KANK2: variants seen among roughly 807,000 people sequenced by gnomAD.
KANK2 encodes KN motif and ankyrin repeat domain-containing protein 2.
KANK2 carries 41 observed loss-of-function variants against 74.6 expected under a neutral mutation model. That is an observed-to-expected ratio of 0.55 (90% CI 0.43 to 0.71). KANK2 has a LOEUF of 0.71. Ranked by LOEUF, KANK2 falls within the 30% of genes least tolerant of loss-of-function variation. The probability of loss-of-function intolerance (pLI) is 0.00; values close to 1 mark genes in which losing one functional copy is unlikely to be tolerated. For missense variants in KANK2, 1,148 were observed against 1,196.4 expected, an observed-to-expected ratio of 0.96 and a Z score of 0.60; for synonymous variants, 537 against 519.0, an observed-to-expected ratio of 1.03 and a Z score of -0.47.
intron 4 of KANK2, among the ~76,000 whole-genome samples, chr19:11,191,354 T>C (rs2078839816): frequency 6.6e-6 from 1 of 152,206 alleles, no homozygotes; most frequent in Admixed American, 6.5e-5. Flanking sequence ...GTCATTATTA[T>C]GAGTCATTTG....
At chr19:11,175,865 G>C (rs189923555) in intron 8 of KANK2, 37 bp downstream of exon 8, 2 of 1,532,644 alleles carry the variant, frequency 1.3e-6, no homozygotes, top group African/African-American at 1.4e-5. Context: ...GTAGGGGTCC[G>C]GGGGGTGGCC....
In KANK2 at chr19:11,193,244, G is replaced by A. The variant is rs776909427; in HGVS notation, c.836C>T (p.Pro279Leu). Residue 279 changes from proline (P) to leucine (L), a missense_variant, in exon 4 of 13, where the codon CCT becomes CTT. Physicochemically the swap from Pro to Leu is moderately conservative, Grantham distance 98 (BLOSUM62 -3). Transcript: ENST00000586659. The surrounding 1 kb of genome is among the most constrained non-coding windows in gnomAD (Gnocchi z 9.6). The part of the protein sequence containing the change: ...TWVRERDLGM[P>L]DGEAALAAKV... ...GGCGGCGAGGGCAGCCTCCCCATCA[G>A]GCATGCCCAAGTCCCGTTCTCGAAC... 3 of 1,610,172 alleles carry A rather than the reference G, an allele frequency of 1.9e-6. No homozygotes were observed. The South Asian group carries it at 3.3e-5, about 18-fold the overall frequency.
intron 4 of KANK2, among the ~76,000 whole-genome samples, chr19:11,190,347 T>TGA (rs2078806088): frequency 6.6e-6 from 1 of 152,028 alleles, no homozygotes; most frequent in Non-Finnish European, 1.5e-5. Context: ...AGGCTGGTCT[T>TGA]GAACCCCTGA....
At chr19:11,194,765 C>T (rs998623570) in intron 2 of KANK2, 175 bp from the exon 3 acceptor site, 2 of 444,226 alleles carry the variant, frequency 4.5e-6, no homozygotes, top group Non-Finnish European at 8.4e-6. Flanking sequence ...CCCTCCCCCC[C>T]GCAGGTCTGG....
chr19:11,172,307 A>C (rs11879991), intron 10 of KANK2, among the ~76,000 whole-genome samples: 6,038 of 152,244 alleles, frequency 0.04, 301 homozygotes, highest in East Asian at 0.15. Context: ...CCACTAAAAA[A>C]ATTTCTTGGA....
intron 4 of KANK2, among the ~76,000 whole-genome samples, chr19:11,180,916 G>A (rs34824923): frequency 0.035 from 5,241 of 151,554 alleles, 130 homozygotes; most frequent in Non-Finnish European, 0.054. Flanking sequence ...GCAAAACCCC[G>A]TCTCTACTAA....
chr19:11,192,902 G>C lies in KANK2; in HGVS notation c.1178C>G (p.Ala393Gly), dbSNP rs149352845. 3.3e-5 allele frequency: 53 copies of C among 1,614,004 alleles called. No individual in the cohort carries two copies. The African/African-American group carries it at 7.1e-4, about 22-fold the overall frequency. Residue 393 changes from alanine (A) to glycine (G), a missense_variant, in exon 4 of 13, where the codon GCT becomes GGT. Physicochemically the swap from Ala to Gly is moderately conservative, Grantham distance 60. Transcript: ENST00000586659. Reference protein sequence around the residue: ...EVVETMCPVPAAATSNVHMVK... With the variant: ...EVVETMCPVPGAATSNVHMVK... ...CATATGGACGTTGCTGGTAGCTGCAGCGGGCACTGGGCACATTGTCTCCAC... is the reference window on the plus strand; with the variant it reads ...CATATGGACGTTGCTGGTAGCTGCACCGGGCACTGGGCACATTGTCTCCAC...
intron 10 of KANK2, 33 bp downstream of exon 10, chr19:11,172,948 C>T: frequency 6.2e-7 from 1 of 1,603,654 alleles, no homozygotes; most frequent in Non-Finnish European, 8.5e-7. Context: ...TAGGAAGAGC[C>T]ACCTGGATCT....
At chr19:11,177,436 C>A (rs981061501) in intron 6 of KANK2, among the ~76,000 whole-genome samples, 1 of 152,030 alleles carries the variant, frequency 6.6e-6, no homozygotes, top group Non-Finnish European at 1.5e-5. Context: ...TTCACTGCAA[C>A]CTCTGTCTCC....
At position 11,174,685 on chromosome 19, in the gene KANK2, G is replaced by T. The variant is rs767621842; in HGVS notation, c.1856C>A (p.Ala619Asp). ...NALTERELKVAYTTVLQEWLR... is the reference protein window; with the variant it reads ...NALTERELKVDYTTVLQEWLR... ...CCACTCCTGCAGCACTGTGGTGTAG[G>T]CCACTTTCTGCATGCGAGTCAGGTG... Residue 619 changes from alanine to aspartate, a missense_variant, in exon 9 of 13, where the codon GCC (alanine) becomes GAC (aspartate). Transcript: ENST00000586659. 3.1e-6 allele frequency: 5 copies of T among 1,599,334 alleles called. No homozygotes were observed. In the South Asian group the frequency reaches 5.6e-5, roughly 18 times the overall value.
In KANK2 at chr19:11,170,341, G is replaced by A; in HGVS notation, c.2212-93C>T. The A allele has an allele frequency of 1.0e-6, 1 of 984,660 alleles. No individual in the cohort carries two copies. 61.0% of individuals were successfully genotyped at this position (984,660 alleles called of 1,614,324 possible). A position where few individuals can be genotyped will look rare whatever the true frequency, so the allele number is the denominator to read the frequency against. ...ACCTGCTGTAGCTCCCACATACTCT[G>A]ATGGTGAAATGTACCCTCAACTTGC... On this transcript the variant is annotated intron_variant, in intron 10 of 12. Coordinates refer to ENST00000586659, the MANE Select transcript of KANK2 (RefSeq NM_001136191.3). The surrounding 1 kb of genome is among the most constrained non-coding windows in gnomAD (Gnocchi z 5.2).
chr19:11,178,753 G>A, intron 4 of KANK2, 33 bp from the exon 5 acceptor site: 1 of 1,486,438 alleles, frequency 6.7e-7, no homozygotes, highest in Non-Finnish European at 8.9e-7. Context: ...TCTGCTCTTG[G>A]TCATAAAAGC....
At chr19:11,180,708 A>T (rs2078489383) in intron 4 of KANK2, among the ~76,000 whole-genome samples, 1 of 152,280 alleles carries the variant, frequency 6.6e-6, no homozygotes, top group South Asian at 2.1e-4. Context: ...CAATAAATTC[A>T]CGTGAAACAA....
intron 4 of KANK2, among the ~76,000 whole-genome samples, chr19:11,180,446 A>G (rs2147486936): frequency 6.6e-6 from 1 of 152,144 alleles, no homozygotes; most frequent in African/African-American, 2.4e-5. Flanking sequence ...CCCACAGGCA[A>G]TATTCAACTT....
At position 11,178,386 on chromosome 19, in the gene KANK2, C is replaced by A. The variant is rs200778675; in HGVS notation, c.1479G>T (p.Thr493=). The part of the protein sequence containing the change: ...MKRKEEVADP[T]AHRRSLQFVG... Reference sequence around the variant, plus strand: ...CGAACTGGAGGCTCCTCCGGTGGGCCGTGGGGTCTGCAACCTCCTCTTTCC... The same window carrying A: ...CGAACTGGAGGCTCCTCCGGTGGGCAGTGGGGTCTGCAACCTCCTCTTTCC... The change falls in exon 6 of 13, where the codon ACG becomes ACT. Residue 493 remains threonine (T), a synonymous_variant. Coordinates refer to ENST00000586659, the MANE Select transcript of KANK2 (RefSeq NM_001136191.3). 3.2e-6 allele frequency: 5 copies of A among 1,561,554 alleles called. No homozygotes were observed. The highest frequency in any genetic ancestry group is 4.3e-6 in the Non-Finnish European group (5 of 1,160,926).
intron 1 of KANK2, chr19:11,197,189 G>A (rs1288612583): frequency 5.9e-5 from 9 of 152,470 alleles, no homozygotes; most frequent in African/African-American, 2.2e-4. Flanking sequence ...GCGGGCAGAG[G>A]GGAGCCAAGA....
intron 2 of KANK2, chr19:11,194,887 A>G (rs928036245): frequency 1.1e-4 from 22 of 196,922 alleles, no homozygotes; most frequent in Admixed American, 9.4e-4. Flanking sequence ...GGGGGCCCCA[A>G]GCCCAACAGG....
chr19:11,176,351 G>A (rs1338316850), intron 7 of KANK2, among the ~76,000 whole-genome samples: 1 of 152,200 alleles, frequency 6.6e-6, no homozygotes, highest in Non-Finnish European at 1.5e-5. Flanking sequence ...AACTTTGGCT[G>A]GTCCCCTAAA....
At chr19:11,166,941 C>G (rs1339422169) in intron 12 of KANK2, among the ~76,000 whole-genome samples, 4 of 152,038 alleles carry the variant, frequency 2.6e-5, no homozygotes, top group Non-Finnish European at 4.4e-5. Flanking sequence ...CGTGCAAAGG[C>G]CCTGGGATAA....
Sources: allele counts gnomAD v4.1 joint callset (sites outside exome capture counted in the v4.1 genomes callset), GRCh38; gene constraint gnomAD v4.1.1; non-coding constraint Gnocchi (gnomAD v3.1); transcripts MANE v1.5; gene names NCBI Gene and HGNC (gene_info 2026-07-23, HGNC 2026-07-21).